Variants in UBXN2A observed in about 807,000 individuals in gnomAD.
UBXN2A encodes UBX domain-containing protein 2A.
Under a neutral mutation model 28.4 loss-of-function variants are expected in UBXN2A, and 28 were observed. The observed-to-expected ratio is 0.99, with a 90% CI of 0.73 to 1.35. The LOEUF is 1.35. Ranked by LOEUF, UBXN2A falls within the 40% of genes most tolerant of loss-of-function variation. The pLI, the probability that UBXN2A is intolerant of heterozygous loss-of-function variation, is 0.00. For missense variants in UBXN2A, 253 were observed against 297.9 expected, an observed-to-expected ratio of 0.85 and a Z score of 1.11; for synonymous variants, 97 against 103.6, an observed-to-expected ratio of 0.94 and a Z score of 0.39.
In UBXN2A at chr2:24,000,977, A is replaced by G. The variant is rs1708714413; in HGVS notation, c.*1110A>G. The G allele has an allele frequency of 6.6e-6, 1 of 152,072 alleles. No homozygotes were observed. 9.4% of individuals were successfully genotyped at this position (152,072 alleles called of 1,614,324 possible). A position where few individuals can be genotyped will look rare whatever the true frequency, so the allele number is the denominator to read the frequency against. On this transcript the variant is annotated 3_prime_UTR_variant, in exon 7 of 7. Coordinates refer to ENST00000309033, the MANE Select transcript of UBXN2A (RefSeq NM_181713.4). ...AGTATTTTTTAAATGCATCATATAAAGTATGGTTTTCTGTTTCTTTTTCGT... is the reference window on the plus strand; with the variant it reads ...AGTATTTTTTAAATGCATCATATAAGGTATGGTTTTCTGTTTCTTTTTCGT...
At chr2:23,937,433 C>T (rs1469609124), upstream of UBXN2A, among the ~76,000 whole-genome samples, 1 of 151,962 alleles carries the variant, frequency 6.6e-6, no homozygotes. Flanking sequence ...GTCTGTGGTC[C>T]TAGCTACTCA....
At chr2:23,958,167 A>T in intron 1 of UBXN2A, 134 bp from the exon 2 acceptor site, 4 of 523,608 alleles carry the variant, frequency 7.6e-6, no homozygotes, top group South Asian at 8.0e-5. Flanking sequence ...TATTTTGATG[A>T]TGAAAATGAC....
intron 1 of UBXN2A, among the ~76,000 whole-genome samples, chr2:23,930,958 A>T (rs1296629708): frequency 6.6e-6 from 1 of 152,140 alleles, no homozygotes; most frequent in East Asian, 1.9e-4. Flanking sequence ...TGAGATCAGG[A>T]GTTCAAGACC....
At chr2:23,957,661 C>G (rs982683855) in intron 1 of UBXN2A, among the ~76,000 whole-genome samples, 5 of 151,982 alleles carry the variant, frequency 3.3e-5, no homozygotes, top group Admixed American at 3.3e-4. Flanking sequence ...ATGGAGAAAC[C>G]TCGACTCTAC....
At chr2:23,953,477 CTT>C (rs755866734) in intron 1 of UBXN2A, among the ~76,000 whole-genome samples, 17 of 152,318 alleles carry the variant, frequency 1.1e-4, no homozygotes, top group Admixed American at 2.0e-4. Flanking sequence ...ACTTAAAAAA[CTT>C]ATAGCTACAG....
chr2:23,933,458 A>G (rs573584954), intron 1 of UBXN2A, among the ~76,000 whole-genome samples: 25 of 152,354 alleles, frequency 1.6e-4, no homozygotes, highest in African/African-American at 5.8e-4. Context: ...GTGAGCTGAG[A>G]TCGCACCATT....
intron 2 of UBXN2A, 67 bp downstream of exon 2, chr2:23,958,422 A>G: frequency 6.9e-7 from 1 of 1,454,392 alleles, no homozygotes; most frequent in Non-Finnish European, 9.3e-7. Flanking sequence ...TTTTTATTAC[A>G]TTTCACTTGC....
At chr2:23,972,368 C>T (rs1277543736) in intron 3 of UBXN2A, among the ~76,000 whole-genome samples, 2 of 152,144 alleles carry the variant, frequency 1.3e-5, no homozygotes, top group African/African-American at 2.4e-5. Flanking sequence ...ATTTGGAAAG[C>T]TCAACCAGCA....
At chr2:23,961,268 G>A (rs1706895067) in intron 2 of UBXN2A, among the ~76,000 whole-genome samples, 1 of 151,250 alleles carries the variant, frequency 6.6e-6, no homozygotes. Flanking sequence ...GCTAATTTTT[G>A]TATTTTTAGT....
chr2:23,955,407 C>T (rs1227328319), intron 1 of UBXN2A, among the ~76,000 whole-genome samples: 1 of 152,194 alleles, frequency 6.6e-6, no homozygotes, highest in African/African-American at 2.4e-5. Context: ...TTCCATTTTG[C>T]TGATGTCACC....
At chr2:23,948,555 C>T (rs1242988585) in intron 1 of UBXN2A, among the ~76,000 whole-genome samples, 1 of 151,984 alleles carries the variant, frequency 6.6e-6, no homozygotes, top group Non-Finnish European at 1.5e-5. Flanking sequence ...ATGTTTCTTA[C>T]CAATCTCTAT....
At chr2:23,982,796 C>T in intron 4 of UBXN2A, 100 bp from the exon 5 acceptor site, 1 of 1,223,916 alleles carries the variant, frequency 8.2e-7, no homozygotes, top group South Asian at 1.8e-5. Flanking sequence ...TTATATATTT[C>T]TGTATATTTC....
At chr2:23,952,456 T>C (rs868122230) in intron 1 of UBXN2A, among the ~76,000 whole-genome samples, 2 of 152,104 alleles carry the variant, frequency 1.3e-5, no homozygotes, top group African/African-American at 4.8e-5. Flanking sequence ...TATTTATTTA[T>C]TTTTTTGAGA....
chr2:23,951,484 C>T (rs1273211622), intron 1 of UBXN2A, among the ~76,000 whole-genome samples: 4 of 133,772 alleles, frequency 3.0e-5, no homozygotes, highest in African/African-American at 8.9e-5. Context: ...CATTTTGAGA[C>T]AGTTTTGCTC....
chr2:23,961,609 ATG>A (rs1469177459), intron 2 of UBXN2A, among the ~76,000 whole-genome samples: 1 of 113,742 alleles, frequency 8.8e-6, no homozygotes, highest in Non-Finnish European at 1.7e-5. Context: ...GCGCAATGGC[ATG>A]ATCTCGGCTC....
At chr2:23,996,993 A>G (rs79327165) in intron 6 of UBXN2A, 10,401 of 152,142 alleles carry the variant, frequency 0.068, 480 homozygotes, top group African/African-American at 0.14. Context: ...TTGCCATAGC[A>G]CACTACAGCC....
At position 23,971,261 on chromosome 2, in the gene UBXN2A, C is replaced by T. The variant is rs772126241; in HGVS notation, c.42-15C>T. On this transcript the variant is annotated splice_polypyrimidine_tract_variant and intron_variant, in intron 2 of 6. Transcript: ENST00000309033. ...CTAATAGTTAATAGTGCCTGTTTTTCTTTATCTTGTTTAGGGTTTGTGAAA... is the reference window on the plus strand; with the variant it reads ...CTAATAGTTAATAGTGCCTGTTTTTTTTTATCTTGTTTAGGGTTTGTGAAA... 6.6e-7 allele frequency: 1 copy of T among 1,525,878 alleles called. No homozygotes were observed. The highest frequency in any genetic ancestry group is 8.9e-7 in the Non-Finnish European group (1 of 1,127,302). The allele number at this position is 1,525,878 out of a possible 1,614,324, so 94.5% of individuals were successfully genotyped here.
chr2:23,944,934 G>A (rs1429889554), intron 1 of UBXN2A, among the ~76,000 whole-genome samples: 2 of 152,042 alleles, frequency 1.3e-5, no homozygotes, highest in Non-Finnish European at 2.9e-5. Flanking sequence ...AAAATATATA[G>A]CTTTTGACCC....
At chr2:23,956,724 C>G (rs1238450564) in intron 1 of UBXN2A, among the ~76,000 whole-genome samples, 1 of 152,188 alleles carries the variant, frequency 6.6e-6, no homozygotes, top group Non-Finnish European at 1.5e-5. Flanking sequence ...TGCCCCAGCC[C>G]TGAAGTTATC....
Sources: gnomAD v4.1 joint callset for allele counts (sites outside exome capture counted in the v4.1 genomes callset) on GRCh38, gnomAD v4.1.1 for gene constraint, MANE v1.5 for transcripts, NCBI Gene and HGNC (gene_info 2026-07-23, HGNC 2026-07-21) for gene names.